Variants in NCKAP5 observed in about 807,000 individuals in gnomAD.
NCKAP5 encodes the protein NCK associated protein 5.
Under a neutral mutation model 167.0 loss-of-function variants are expected in NCKAP5, and 92 were observed. The observed-to-expected ratio is 0.55, with a 90% CI of 0.47 to 0.66. The LOEUF (loss-of-function observed/expected upper bound fraction) is 0.66. Among genes scored for constraint, NCKAP5 ranks in the 30% least tolerant of loss-of-function variants. The pLI is 0.00. For missense variants in NCKAP5, 2,378 were observed against 2,315.0 expected (o/e 1.03, Z -0.56); for synonymous variants, 891 against 877.4 (o/e 1.02, Z -0.27).
chr2:133,070,158 ACTTC>A (rs2080340863), intron 6 of NCKAP5, among the ~76,000 whole-genome samples: 1 of 152,200 alleles, frequency 6.6e-6, no homozygotes, highest in East Asian at 1.9e-4. Flanking sequence ...TGAGTTTATG[ACTTC>A]CTTTTTGTAA....
At chr2:132,973,726 G>GAA (rs774637661) in intron 7 of NCKAP5, among the ~76,000 whole-genome samples, 3 of 141,172 alleles carry the variant, frequency 2.1e-5, no homozygotes, top group African/African-American at 7.8e-5. Context: ...CACCTTCTTG[G>GAA]AAAAAAAAAA....
chr2:133,614,480 G>T, the NCKAP5 span, among the ~76,000 whole-genome samples: 1 of 151,966 alleles, frequency 6.6e-6, no homozygotes, highest in East Asian at 1.9e-4. Context: ...GAAAACCAAG[G>T]CTCGAGAACT....
chr2:133,470,721 T>G (rs994150802), intron 3 of NCKAP5, among the ~76,000 whole-genome samples: 2 of 152,138 alleles, frequency 1.3e-5, no homozygotes, highest in Non-Finnish European at 2.9e-5. Context: ...TGGTGCGCCG[T>G]TTTTTAAGCC....
chr2:133,376,176 C>T lies in NCKAP5; in HGVS notation c.70-73066G>A, dbSNP rs141747979. On this transcript the variant is annotated intron_variant, in intron 3 of 19. Coordinates refer to ENST00000409261, the MANE Select transcript of NCKAP5 (RefSeq NM_207363.3). ...GGTATCAGAAAGGAAGAACTGATTC[C>T]AATACATGATGGCTGTCATCTCAAA... Among the ~76,000 whole-genome samples, 91 of 152,248 alleles carry T rather than the reference C, an allele frequency of 6.0e-4. No homozygotes were observed. In the East Asian group the frequency reaches 0.016, roughly 27 times the overall value.
At position 132,784,721 on chromosome 2, in the gene NCKAP5, G is replaced by A; in HGVS notation, c.2090C>T (p.Ser697Phe). The A allele has an allele frequency of 6.2e-7, 1 of 1,613,966 alleles. No homozygotes were observed. Among genetic ancestry groups the A allele is most frequent in the Non-Finnish European group, 8.5e-7 (1 of 1,179,870 alleles). The change falls in exon 14 of 20, where the codon TCC becomes TTC. Residue 697 changes from serine (S) to phenylalanine (F), a missense_variant. Physicochemically the swap from Ser to Phe is radical, Grantham distance 155. Transcript: ENST00000409261. ...GVVTVTRNEI[S>F]INSTPAGPKA... ...GGGTCCAGCAGGAGTTGAATTGATGGAAATCTCATTTCTGGTAACAGTGAC... is the reference window on the plus strand; with the variant it reads ...GGGTCCAGCAGGAGTTGAATTGATGAAAATCTCATTTCTGGTAACAGTGAC...
At chr2:133,651,653 C>A in the NCKAP5 span, among the ~76,000 whole-genome samples, 1 of 152,090 alleles carries the variant, frequency 6.6e-6, no homozygotes, top group East Asian at 1.9e-4. Context: ...CCCAGCAATC[C>A]CACTTTTCTG....
chr2:133,571,363 G>A (rs1261072924), upstream of NCKAP5, among the ~76,000 whole-genome samples: 2 of 152,036 alleles, frequency 1.3e-5, no homozygotes, highest in Admixed American at 6.6e-5. Flanking sequence ...AAAAGAGGGT[G>A]GGGGTAGGGG....
intron 11 of NCKAP5, among the ~76,000 whole-genome samples, chr2:132,854,104 A>G (rs1004552891): frequency 1.6e-4 from 24 of 152,362 alleles, no homozygotes; most frequent in African/African-American, 5.5e-4. Flanking sequence ...TTCAAAGGTC[A>G]AAACAAGGTT....
intron 5 of NCKAP5, among the ~76,000 whole-genome samples, chr2:133,138,597 C>T (rs1396707255): frequency 6.6e-6 from 1 of 152,194 alleles, no homozygotes; most frequent in Non-Finnish European, 1.5e-5. Context: ...GAGTTTCTGT[C>T]TTCCCATTAA....
chr2:132,853,411 T>C (rs1248225875), intron 11 of NCKAP5, among the ~76,000 whole-genome samples: 1 of 152,184 alleles, frequency 6.6e-6, no homozygotes, highest in Non-Finnish European at 1.5e-5. Context: ...CCTTAAGGCA[T>C]CTGATCTCCG....
At chr2:132,944,948 G>T (rs1697587915) in intron 8 of NCKAP5, among the ~76,000 whole-genome samples, 1 of 152,122 alleles carries the variant, frequency 6.6e-6, no homozygotes, top group South Asian at 2.1e-4. Flanking sequence ...AGTTAGAGAG[G>T]CTCTTTGGAT....
intron 7 of NCKAP5, among the ~76,000 whole-genome samples, chr2:132,991,432 G>C (rs1041717814): frequency 3.9e-5 from 6 of 152,156 alleles, no homozygotes; most frequent in African/African-American, 1.4e-4. Context: ...TAGTGGGACC[G>C]TCTCAGTTGC....
intron 16 of NCKAP5, among the ~76,000 whole-genome samples, chr2:132,733,949 A>G (rs1451193457): frequency 6.6e-6 from 1 of 151,954 alleles, no homozygotes; most frequent in East Asian, 1.9e-4. Flanking sequence ...AAATACAGAT[A>G]CTCTTTTCTC....
chr2:132,713,150 A>AC (rs1689024700), intron 19 of NCKAP5, among the ~76,000 whole-genome samples: 1 of 147,414 alleles, frequency 6.8e-6, no homozygotes, highest in South Asian at 2.1e-4. Context: ...GGAAAGATGA[A>AC]CAAAAAAAAA....
At position 133,293,670 on chromosome 2, in the gene NCKAP5, C is replaced by T. The variant is rs1037771466; in HGVS notation, c.143+9367G>A. 3.9e-5 allele frequency among the ~76,000 whole-genome samples: 6 copies of T among 152,276 alleles called. No individual in the cohort carries two copies. In the South Asian group the frequency reaches 8.3e-4, roughly 21 times the overall value. ...ATAGCTTATCCCATAGCTCTCCCTA[C>T]GACCGTTCAGGAATAACATAACCAT... On this transcript the variant is annotated intron_variant, in intron 4 of 19. Transcript: ENST00000409261.
At chr2:133,346,650 G>T (rs976468190) in intron 3 of NCKAP5, among the ~76,000 whole-genome samples, 5 of 152,188 alleles carry the variant, frequency 3.3e-5, no homozygotes, top group African/African-American at 1.2e-4. Context: ...AGTGGCCCAC[G>T]CAAGGAGCAC....
chr2:132,928,496 A>T (rs1263892891), intron 8 of NCKAP5, among the ~76,000 whole-genome samples: 1 of 152,180 alleles, frequency 6.6e-6, no homozygotes, highest in East Asian at 1.9e-4. Flanking sequence ...TAGCTATGAC[A>T]CATATACCTA....
intron 1 of NCKAP5, among the ~76,000 whole-genome samples, chr2:133,564,960 C>A (rs559265252): frequency 6.6e-6 from 1 of 152,274 alleles, no homozygotes; most frequent in East Asian, 1.9e-4. Context: ...TCGTGAGACA[C>A]AGAGGCTGAA....
chr2:133,170,106 A>G (rs990493721), intron 5 of NCKAP5, among the ~76,000 whole-genome samples: 4 of 152,200 alleles, frequency 2.6e-5, no homozygotes, highest in African/African-American at 9.7e-5. Flanking sequence ...TTCATACAAA[A>G]GCAATACTCT....
Sources: allele counts gnomAD v4.1 joint callset (sites outside exome capture counted in the v4.1 genomes callset), GRCh38; gene constraint gnomAD v4.1.1; transcripts MANE v1.5; gene names NCBI Gene and HGNC (gene_info 2026-07-23, HGNC 2026-07-21).